GRIA4: variants seen among roughly 807,000 people sequenced by gnomAD.
GRIA4 encodes the protein glutamate ionotropic receptor AMPA type subunit 4, also known as glutamate receptor 4.
Under a neutral mutation model 104.0 loss-of-function variants are expected in GRIA4, and 34 were observed. The ratio of observed to expected loss-of-function variants is 0.33; its 90% CI spans 0.25 to 0.44. The LOEUF is 0.44. GRIA4 is among the 20% of genes least tolerant of loss of function. The probability of loss-of-function intolerance (pLI) is 1.00; values close to 1 mark genes in which losing one functional copy is unlikely to be tolerated. For synonymous variants in GRIA4, 386 were observed against 381.9 expected (o/e 1.01, Z -0.13); for missense variants, 750 against 1,096.5 (o/e 0.68, Z 4.46).
chr11:105,719,066 G>A (rs910199258), intron 3 of GRIA4, among the ~76,000 whole-genome samples: 8 of 152,032 alleles, frequency 5.3e-5, no homozygotes, highest in Admixed American at 3.3e-4. Context: ...TAAAAGGAAG[G>A]TGACTGCTGA....
intron 3 of GRIA4, among the ~76,000 whole-genome samples, chr11:105,735,126 T>C (rs1938851368): frequency 6.6e-6 from 1 of 152,102 alleles, no homozygotes; most frequent in Non-Finnish European, 1.5e-5. Flanking sequence ...AGCTAACATA[T>C]AGCTACCTCA....
At chr11:105,871,252 CT>C (rs1311678575) in intron 5 of GRIA4, among the ~76,000 whole-genome samples, 1 of 151,986 alleles carries the variant, frequency 6.6e-6, no homozygotes, top group East Asian at 1.9e-4. Context: ...AGAAGTGTAA[CT>C]AATCCAAGTA....
intron 4 of GRIA4, among the ~76,000 whole-genome samples, chr11:105,836,799 G>A (rs902348576): frequency 1.3e-5 from 2 of 152,134 alleles, no homozygotes; most frequent in South Asian, 2.1e-4. Context: ...ATGATATTGT[G>A]CAGGGATGAA....
rs186087450 is a variant in GRIA4, at chr11:105,688,087, T to A, written c.248-64894T>A. On this transcript the variant is annotated intron_variant, in intron 3 of 16. Coordinates refer to ENST00000282499, the MANE Select transcript of GRIA4 (RefSeq NM_000829.4). ...CCTAGGTTTACATCTATCTCAAATATTCTCTCTCTCTGTCTCATATCTATA... is the reference window on the plus strand; with the variant it reads ...CCTAGGTTTACATCTATCTCAAATAATCTCTCTCTCTGTCTCATATCTATA... Among the ~76,000 whole-genome samples the A allele has an allele frequency of 1.8e-3, 265 of 151,124 alleles. 3 individuals are homozygous for A. The Middle Eastern group carries it at 0.056, about 32-fold the overall frequency.
At chr11:105,633,081 G>A (rs1951079933) in intron 3 of GRIA4, among the ~76,000 whole-genome samples, 1 of 152,208 alleles carries the variant, frequency 6.6e-6, no homozygotes, top group Non-Finnish European at 1.5e-5. Context: ...GCTGTCAAGT[G>A]TATCATAGTG....
At chr11:105,874,016 C>T (rs534115048) in intron 5 of GRIA4, among the ~76,000 whole-genome samples, 3 of 152,200 alleles carry the variant, frequency 2.0e-5, no homozygotes, top group African/African-American at 7.2e-5. Flanking sequence ...AATGGTATTG[C>T]CTAGGTCTTC....
intron 3 of GRIA4, among the ~76,000 whole-genome samples, chr11:105,663,811 T>C (rs574791922): frequency 6.6e-6 from 1 of 151,920 alleles, no homozygotes; most frequent in Non-Finnish European, 1.5e-5. Context: ...TATATAATAA[T>C]AACATCTTCC....
intron 10 of GRIA4, among the ~76,000 whole-genome samples, chr11:105,916,376 T>C (rs1487337187): frequency 1.3e-5 from 2 of 152,294 alleles, no homozygotes; most frequent in East Asian, 3.9e-4. Flanking sequence ...GAACTTTACA[T>C]TGTGCCCGAT....
intron 9 of GRIA4, among the ~76,000 whole-genome samples, chr11:105,908,613 C>CAA (rs386362602): frequency 0.091 from 11,959 of 130,810 alleles, 656 homozygotes; most frequent in Admixed American, 0.19. Context: ...AGGTATAAGG[C>CAA]CAAAAAAAAA....
At chr11:105,619,819 A>C (rs1950696304) in intron 3 of GRIA4, among the ~76,000 whole-genome samples, 1 of 151,952 alleles carries the variant, frequency 6.6e-6, no homozygotes, top group Non-Finnish European at 1.5e-5. Context: ...TTAGATGAAC[A>C]AACAGCTCTT....
At chr11:105,777,283 A>T (rs1178407848) in intron 4 of GRIA4, among the ~76,000 whole-genome samples, 1 of 152,102 alleles carries the variant, frequency 6.6e-6, no homozygotes, top group Non-Finnish European at 1.5e-5. Context: ...AAATAAATCT[A>T]AGAAAATATT....
intron 4 of GRIA4, among the ~76,000 whole-genome samples, chr11:105,851,748 T>C (rs1311531230): frequency 6.6e-6 from 1 of 152,168 alleles, no homozygotes; most frequent in East Asian, 1.9e-4. Flanking sequence ...CAGTGAAAGA[T>C]TGGTTTGGGA....
intron 3 of GRIA4, among the ~76,000 whole-genome samples, chr11:105,618,830 T>A (rs1314332862): frequency 6.6e-6 from 1 of 151,598 alleles, no homozygotes; most frequent in Non-Finnish European, 1.5e-5. Flanking sequence ...GAAGAACCAA[T>A]GTTTGAGGGG....
chr11:105,796,624 T>C (rs1299627404), intron 4 of GRIA4, among the ~76,000 whole-genome samples: 1 of 152,198 alleles, frequency 6.6e-6, no homozygotes, highest in Non-Finnish European at 1.5e-5. Context: ...CCATAGGTAG[T>C]GAGTAGTTAT....
At chr11:105,906,283 G>A (rs1947038070) in intron 9 of GRIA4, among the ~76,000 whole-genome samples, 1 of 151,940 alleles carries the variant, frequency 6.6e-6, no homozygotes, top group South Asian at 2.1e-4. Context: ...CTTATCCAAA[G>A]CCTGTAAGTG....
In GRIA4 at chr11:105,838,280, T is replaced by C. The variant is rs1197436454; in HGVS notation, c.488-23744T>C. ...ACATCAGTCTTTTTCTACACAATGA[T>C]GTAGCATGTGTGTTTTATTTCATTC... is the stretch of plus-strand genomic sequence containing the variant. On this transcript the variant is annotated intron_variant, in intron 4 of 16. Coordinates refer to ENST00000282499, the MANE Select transcript of GRIA4 (RefSeq NM_000829.4). Among the ~76,000 whole-genome samples, 4 of 152,310 alleles carry C rather than the reference T, an allele frequency of 2.6e-5. No homozygotes were observed. In the East Asian group the frequency reaches 7.7e-4, roughly 29 times the overall value.
intron 4 of GRIA4, among the ~76,000 whole-genome samples, chr11:105,823,617 A>T (rs972124763): frequency 6.6e-6 from 1 of 152,082 alleles, no homozygotes; most frequent in African/African-American, 2.4e-5. Flanking sequence ...TCTAAAATTA[A>T]ATGTTTCTAA....
chr11:105,741,330 C>A (rs11226838), intron 3 of GRIA4, among the ~76,000 whole-genome samples: 20,646 of 152,000 alleles, frequency 0.14, 1,539 homozygotes, highest in Admixed American at 0.22. Flanking sequence ...GTCAAGGAAA[C>A]TGTTGATATT....
intron 3 of GRIA4, among the ~76,000 whole-genome samples, chr11:105,715,717 G>C (rs1954068620): frequency 6.6e-6 from 1 of 152,180 alleles, no homozygotes; most frequent in Non-Finnish European, 1.5e-5. Flanking sequence ...TAAAGGAGAA[G>C]TCATAACTCT....
Sources: allele counts gnomAD v4.1 joint callset (sites outside exome capture counted in the v4.1 genomes callset), GRCh38; gene constraint gnomAD v4.1.1; transcripts MANE v1.5; gene names NCBI Gene and HGNC (gene_info 2026-07-23, HGNC 2026-07-21).